NELL2: variants seen among roughly 807,000 people sequenced by gnomAD.
The protein encoded by NELL2 is protein kinase C-binding protein NELL2.
In NELL2, 41 loss-of-function variants were observed where a neutral mutation model predicts 109.6. That is an observed-to-expected ratio of 0.37 (90% confidence interval 0.29 to 0.49). The LOEUF is 0.49. Among genes scored for constraint, NELL2 ranks in the 20% least tolerant of loss-of-function variants. The pLI is 0.98. For synonymous variants in NELL2, 355 were observed against 344.7 expected (o/e 1.03, Z -0.33); for missense variants, 900 against 1,008.3 (o/e 0.89, Z 1.45).
chr12:44,817,838 C>T (rs1434728157), intron 2 of NELL2, among the ~76,000 whole-genome samples: 2 of 152,134 alleles, frequency 1.3e-5, no homozygotes, highest in Non-Finnish European at 2.9e-5. Flanking sequence ...ATGATCCCTC[C>T]CCACTCTCAA....
intron 13 of NELL2, among the ~76,000 whole-genome samples, chr12:44,617,691 C>CAAAAAAAAAAAAAAAAAAAAAA (rs975070930): frequency 1.0e-3 from 23 of 22,348 alleles, no homozygotes; most frequent in Middle Eastern, 0.028. Context: ...GACTCCGTCT[C>CAAAAAAAAAAAAAAAAAAAAAA]AAAAAAAAAA....
At chr12:44,873,473 T>C (rs1945222711) in intron 2 of NELL2, among the ~76,000 whole-genome samples, 1 of 152,154 alleles carries the variant, frequency 6.6e-6, no homozygotes, top group East Asian at 1.9e-4. Context: ...ATGGTTTAAT[T>C]TTCTAGCATC....
chr12:44,508,498 T>C lies in NELL2; in HGVS notation c.*436A>G, dbSNP rs962950678. 2.5e-5 allele frequency: 4 copies of C among 158,304 alleles called. No individual in the cohort carries two copies. Among genetic ancestry groups the C allele is most frequent in the Non-Finnish European group, 5.6e-5 (4 of 71,920 alleles). The allele number at this position is 158,304 out of a possible 1,614,324, so 9.8% of individuals were successfully genotyped here. A position where few individuals can be genotyped will look rare whatever the true frequency, so the allele number is the denominator to read the frequency against. ...ACTGTACATAACATGTTATAGCTTC[T>C]TTGCTTTACTTCTGAAAATATAATT... On this transcript the variant is annotated 3_prime_UTR_variant, in exon 20 of 20. Coordinates refer to ENST00000429094, the MANE Select transcript of NELL2 (RefSeq NM_001145108.2).
intron 13 of NELL2, among the ~76,000 whole-genome samples, chr12:44,651,292 T>C (rs1012351641): frequency 2.0e-5 from 3 of 152,216 alleles, no homozygotes; most frequent in Non-Finnish European, 4.4e-5. Context: ...GTAACATAAG[T>C]AGACTAAAAA....
intron 1 of NELL2, among the ~76,000 whole-genome samples, chr12:44,910,386 G>A (rs1361130279): frequency 6.6e-6 from 1 of 151,944 alleles, no homozygotes; most frequent in African/African-American, 2.4e-5. Flanking sequence ...AATCATCAGA[G>A]AAAAGCAAAT....
intron 9 of NELL2, among the ~76,000 whole-genome samples, chr12:44,725,647 T>G (rs772730757): frequency 1.2e-4 from 18 of 152,170 alleles, no homozygotes; most frequent in Non-Finnish European, 2.2e-4. Flanking sequence ...ATGTGGTACC[T>G]AAGCACCATG....
At chr12:44,819,442 A>G (rs1227906890) in intron 2 of NELL2, among the ~76,000 whole-genome samples, 2 of 152,238 alleles carry the variant, frequency 1.3e-5, no homozygotes, top group African/African-American at 4.8e-5. Context: ...GGCTTTGACT[A>G]GACTAGTAAT....
At chr12:44,889,205 G>T (rs1945507157) in intron 1 of NELL2, among the ~76,000 whole-genome samples, 1 of 152,026 alleles carries the variant, frequency 6.6e-6, no homozygotes, top group Non-Finnish European at 1.5e-5. Flanking sequence ...AAGGAAAAGA[G>T]AACTGGAAAT....
intron 13 of NELL2, among the ~76,000 whole-genome samples, chr12:44,628,419 G>T (rs1366207467): frequency 6.6e-6 from 1 of 152,124 alleles, no homozygotes; most frequent in Non-Finnish European, 1.5e-5. Flanking sequence ...CCAAAATGTG[G>T]TCTCATGCAA....
chr12:44,804,874 C>A (rs1942948497), intron 3 of NELL2, among the ~76,000 whole-genome samples: 1 of 151,848 alleles, frequency 6.6e-6, no homozygotes, highest in African/African-American at 2.4e-5. Flanking sequence ...CCAAAGAATT[C>A]AACTCTGTCA....
In NELL2 at chr12:44,607,557, C is replaced by T. The variant is rs567527053; in HGVS notation, c.1568-293G>A. Among the ~76,000 whole-genome samples the T allele has an allele frequency of 1.2e-4, 19 of 152,138 alleles. No homozygotes were observed. In the South Asian group the frequency reaches 3.5e-3, roughly 28 times the overall value. ...AGGAAGTACATTAAAATTCAGATTTCTTCTCATTGTAACAATCCACCTTGA... is the reference window on the plus strand; with the variant it reads ...AGGAAGTACATTAAAATTCAGATTTTTTCTCATTGTAACAATCCACCTTGA... On this transcript the variant is annotated intron_variant, in intron 14 of 19. Coordinates refer to ENST00000429094, the MANE Select transcript of NELL2 (RefSeq NM_001145108.2).
intron 1 of NELL2, among the ~76,000 whole-genome samples, chr12:44,897,450 G>A (rs1592710241): frequency 1.3e-5 from 2 of 152,172 alleles, no homozygotes; most frequent in African/African-American, 2.4e-5. Context: ...GTTAGACAGT[G>A]AGTGCAGCCC....
intron 15 of NELL2, among the ~76,000 whole-genome samples, chr12:44,568,975 C>T (rs1306378653): frequency 2.0e-5 from 3 of 152,014 alleles, no homozygotes; most frequent in Admixed American, 6.6e-5. Flanking sequence ...ATTATTTCAT[C>T]ACCCAGGTAT....
chr12:44,886,081 T>G (rs1945467680), intron 1 of NELL2, among the ~76,000 whole-genome samples: 1 of 107,816 alleles, frequency 9.3e-6, no homozygotes, highest in African/African-American at 3.7e-5. Flanking sequence ...AACATCCATA[T>G]AGTAAGGAAG....
intron 15 of NELL2, among the ~76,000 whole-genome samples, chr12:44,551,213 T>C (rs747589561): frequency 6.6e-6 from 1 of 152,178 alleles, no homozygotes; most frequent in Non-Finnish European, 1.5e-5. Context: ...AATATTCCCC[T>C]AATTCAATAC....
chr12:44,798,922 A>G (rs1942727808), intron 3 of NELL2, among the ~76,000 whole-genome samples: 1 of 151,470 alleles, frequency 6.6e-6, no homozygotes, highest in Non-Finnish European at 1.5e-5. Context: ...ATAGGGGAAA[A>G]AAGAACTTTG....
intron 2 of NELL2, among the ~76,000 whole-genome samples, chr12:44,850,651 T>C (rs1190090595): frequency 2.0e-5 from 3 of 152,166 alleles, no homozygotes; most frequent in Admixed American, 6.6e-5. Flanking sequence ...GTAGGGCTCA[T>C]TGTATAAAGT....
intron 9 of NELL2, among the ~76,000 whole-genome samples, chr12:44,739,611 C>T (rs1939833734): frequency 1.3e-5 from 2 of 152,062 alleles, no homozygotes; most frequent in Non-Finnish European, 2.9e-5. Context: ...ATAGTTTTAG[C>T]CAGGCACAGA....
chr12:44,683,328 A>G (rs1408753027), intron 12 of NELL2, among the ~76,000 whole-genome samples: 1 of 141,518 alleles, frequency 7.1e-6, no homozygotes, highest in Non-Finnish European at 1.5e-5. Context: ...GGCTGAGACA[A>G]TGGGGTTTTC....
Sources: allele counts gnomAD v4.1 joint callset (sites outside exome capture counted in the v4.1 genomes callset), GRCh38; gene constraint gnomAD v4.1.1; transcripts MANE v1.5; gene names NCBI Gene and HGNC (gene_info 2026-07-23, HGNC 2026-07-21).